Variants in F13B observed in about 807,000 individuals in gnomAD.
F13B encodes the protein TGase.
A neutral mutation model predicts 79.8 loss-of-function variants in F13B; 58 were observed. The ratio of observed to expected loss-of-function variants is 0.73; its 90% confidence interval spans 0.59 to 0.90. The LOEUF (loss-of-function observed/expected upper bound fraction) is 0.90. Ranked by LOEUF, F13B falls within the 40% of genes least tolerant of loss-of-function variation. The pLI, the probability that F13B is intolerant of heterozygous loss-of-function variation, is 0.00. For synonymous variants in F13B, 283 were observed against 260.3 expected, an observed-to-expected ratio of 1.09 and a Z score of -0.84; for missense variants, 773 against 777.0, an observed-to-expected ratio of 0.99 and a Z score of 0.06.
chr1:197,061,582 G>C (rs757504431), intron 3 of F13B, among the ~76,000 whole-genome samples: 1 of 151,958 alleles, frequency 6.6e-6, no homozygotes, highest in Non-Finnish European at 1.5e-5. Flanking sequence ...AACTATTGGC[G>C]TAGGTGGGTT....
intron 5 of F13B, among the ~76,000 whole-genome samples, chr1:197,059,313 G>GA (rs763187812): frequency 6.6e-6 from 1 of 152,142 alleles, no homozygotes; most frequent in Non-Finnish European, 1.5e-5. Flanking sequence ...GAGCACAAAT[G>GA]AAAAATCATA....
chr1:197,054,976 A>G (rs1310898863), intron 8 of F13B, among the ~76,000 whole-genome samples: 5 of 152,098 alleles, frequency 3.3e-5, no homozygotes, highest in African/African-American at 4.8e-5. Flanking sequence ...AATGTTGAAC[A>G]CTAAACATCC....
chr1:197,060,566 A>C (rs778254005), intron 4 of F13B, 24 bp from the exon 5 acceptor site: 1 of 1,474,782 alleles, frequency 6.8e-7, no homozygotes, highest in Non-Finnish European at 9.4e-7. Flanking sequence ...AATGAATAAA[A>C]TTACAAACAA....
At chr1:197,044,213 G>T (rs987404884) in intron 10 of F13B, among the ~76,000 whole-genome samples, 2 of 152,054 alleles carry the variant, frequency 1.3e-5, no homozygotes, top group Non-Finnish European at 2.9e-5. Flanking sequence ...CGACAGACCA[G>T]GAGATACCCT....
At chr1:197,051,203 C>G (rs1396688776) in intron 9 of F13B, among the ~76,000 whole-genome samples, 1 of 152,098 alleles carries the variant, frequency 6.6e-6, no homozygotes, top group African/African-American at 2.4e-5. Flanking sequence ...GCCACTGCAC[C>G]TAGCCATAAA....
In F13B at chr1:197,057,362, T is replaced by C. The variant is rs1383889139; in HGVS notation, c.909A>G (p.Glu303=). 1 of 1,613,994 alleles carries C rather than the reference T, an allele frequency of 6.2e-7. No homozygotes were observed. The highest frequency in any genetic ancestry group is 8.5e-7 in the Non-Finnish European group (1 of 1,179,906). ...CTGACCCATGGATCTCAAAATTAAG[T>C]TCACATTCTATATGAACTATTTCTC... The part of the protein sequence containing the change: ...RHGEIVHIEC[E]LNFEIHGSAE... The change falls in exon 6 of 12, where the codon GAA becomes GAG. Residue 303 remains glutamate, a synonymous_variant. Transcript: ENST00000367412.
chr1:197,052,701 G>T lies in F13B; in HGVS notation c.1488C>A (p.Thr496=). 3 of 1,611,934 alleles carry T rather than the reference G, an allele frequency of 1.9e-6. No individual in the cohort carries two copies. The highest frequency in any genetic ancestry group is 2.5e-6 in the Non-Finnish European group (3 of 1,178,832). Residue 496 remains threonine, a synonymous_variant, in exon 9 of 12, where the codon ACC becomes ACA. Transcript: ENST00000367412. ...ACTGCACAGATAATTCAGACAATGG[G>T]GTTAATGGAGATAAGTCATATCCCT... The part of the protein sequence containing the change: ...CKQGYDLSPL[T]PLSELSVQCN...
intron 7 of F13B, 138 bp from the exon 8 acceptor site, chr1:197,056,035 T>G: frequency 5.8e-6 from 5 of 863,732 alleles, no homozygotes; most frequent in Non-Finnish European, 8.7e-6. Context: ...ATGAAAAATT[T>G]TTTCAGCTCA....
intron 1 of F13B, among the ~76,000 whole-genome samples, chr1:197,064,433 A>G (rs1048086215): frequency 6.6e-6 from 1 of 152,230 alleles, no homozygotes; most frequent in Non-Finnish European, 1.5e-5. Context: ...TATGCATACA[A>G]TGGAATATTA....
intron 5 of F13B, among the ~76,000 whole-genome samples, chr1:197,058,987 G>A (rs1393938061): frequency 1.3e-5 from 2 of 152,072 alleles, no homozygotes; most frequent in Non-Finnish European, 2.9e-5. Context: ...GCTGAGGCAG[G>A]CTGATCACCT....
In F13B at chr1:197,039,213, A is replaced by C. The variant is rs1654948364; in HGVS notation, c.*165T>G. ...CATACAAACTAAAAATTAGACATTT[A>C]TTGGTTTTCATTTATAAATAACGAA... On this transcript the variant is annotated 3_prime_UTR_variant, in exon 12 of 12. Coordinates refer to ENST00000367412, the MANE Select transcript of F13B (RefSeq NM_001994.3). 2 of 617,070 alleles carry C rather than the reference A, an allele frequency of 3.2e-6. No individual in the cohort carries two copies. Among genetic ancestry groups the C allele is most frequent in the South Asian group, 4.1e-5 (2 of 48,824 alleles). 38.2% of individuals were successfully genotyped at this position (617,070 alleles called of 1,614,324 possible). A position where few individuals can be genotyped will look rare whatever the true frequency, so the allele number is the denominator to read the frequency against.
chr1:197,046,500 C>T (rs1183679295), intron 10 of F13B, among the ~76,000 whole-genome samples: 9 of 152,004 alleles, frequency 5.9e-5, no homozygotes, highest in African/African-American at 9.7e-5. Flanking sequence ...CACTGCCCAA[C>T]GAAATAAAAG....
intron 8 of F13B, among the ~76,000 whole-genome samples, chr1:197,053,713 G>T (rs1655534241): frequency 6.6e-6 from 1 of 152,134 alleles, no homozygotes; most frequent in Non-Finnish European, 1.5e-5. Flanking sequence ...TAACAAAAGA[G>T]CTAGGTGAAG....
At chr1:197,046,451 T>A (rs766050274) in intron 10 of F13B, among the ~76,000 whole-genome samples, 1 of 152,042 alleles carries the variant, frequency 6.6e-6, no homozygotes, top group Non-Finnish European at 1.5e-5. Flanking sequence ...GGAATCCAAC[T>A]TACAAGGGAT....
intron 10 of F13B, among the ~76,000 whole-genome samples, chr1:197,044,270 T>G (rs1655146167): frequency 6.6e-6 from 1 of 152,004 alleles, no homozygotes; most frequent in Admixed American, 6.6e-5. Flanking sequence ...CCTTGCTCAC[T>G]GCTAGCTCAG....
At chr1:197,059,420 T>C (rs1292849020) in intron 5 of F13B, among the ~76,000 whole-genome samples, 1 of 152,158 alleles carries the variant, frequency 6.6e-6, no homozygotes, top group East Asian at 1.9e-4. Flanking sequence ...TTGTTTCCCC[T>C]AGCACCTGTT....
At chr1:197,055,665 A>T (rs1558308635) in intron 8 of F13B, 50 bp downstream of exon 8, 1 of 1,571,470 alleles carries the variant, frequency 6.4e-7, no homozygotes, top group Non-Finnish European at 8.8e-7. Flanking sequence ...CACTGTAAGA[A>T]AATCACATAA....
At chr1:197,060,582 T>C in intron 4 of F13B, 40 bp from the exon 5 acceptor site, 2 of 1,406,438 alleles carry the variant, frequency 1.4e-6, no homozygotes, top group Non-Finnish European at 2.0e-6. Flanking sequence ...AACAAATGTT[T>C]ATTTTTTCTG....
chr1:197,039,354 G>T lies in F13B; in HGVS notation c.*24C>A, dbSNP rs747643036. On this transcript the variant is annotated 3_prime_UTR_variant, in exon 12 of 12. Transcript: ENST00000367412. ...GGAATTTCATGATGTATTGAAATAT[G>T]ACTCCTCTTTCTGCCATTCATTTCT... 6.3e-7 allele frequency: 1 copy of T among 1,588,264 alleles called. No homozygotes were observed. The highest frequency in any genetic ancestry group is 2.2e-5 in the East Asian group (1 of 44,524).
Sources: gnomAD v4.1 joint callset for allele counts (sites outside exome capture counted in the v4.1 genomes callset) on GRCh38, gnomAD v4.1.1 for gene constraint, MANE v1.5 for transcripts, NCBI Gene and HGNC (gene_info 2026-07-23, HGNC 2026-07-21) for gene names.